COX7B2: variants seen among roughly 807,000 people sequenced by gnomAD.
COX7B2 encodes cytochrome c oxidase subunit 7B2, mitochondrial.
For missense variants in COX7B2, 109 were observed against 95.9 expected (o/e 1.14, Z -0.57); for synonymous variants, 37 against 32.1 (o/e 1.15, Z -0.51).
chr4:46,888,397 C>T (rs992898456), intron 1 of COX7B2, among the ~76,000 whole-genome samples: 8 of 151,568 alleles, frequency 5.3e-5, no homozygotes, highest in African/African-American at 1.9e-4. Context: ...GTAATACATA[C>T]AATTTAAGTA....
chr4:46,888,998 A>G (rs548859448), intron 1 of COX7B2, among the ~76,000 whole-genome samples: 143 of 152,216 alleles, frequency 9.4e-4, no homozygotes, highest in Non-Finnish European at 1.6e-3. Context: ...TTTGTAACAC[A>G]AAAGTTAAAT....
chr4:46,754,400 C>T (rs1715615726), intron 2 of COX7B2, among the ~76,000 whole-genome samples: 1 of 151,196 alleles, frequency 6.6e-6, no homozygotes, highest in Non-Finnish European at 1.5e-5. Flanking sequence ...ATGATGAGTT[C>T]ATGTCCTTTG....
At chr4:46,798,112 A>T (rs1209820849) in intron 2 of COX7B2, among the ~76,000 whole-genome samples, 1 of 152,206 alleles carries the variant, frequency 6.6e-6, no homozygotes, top group African/African-American at 2.4e-5. Context: ...TATCATTAGT[A>T]AAAGATTTAC....
At chr4:46,777,100 C>G (rs1717193501) in intron 2 of COX7B2, among the ~76,000 whole-genome samples, 1 of 152,088 alleles carries the variant, frequency 6.6e-6, no homozygotes, top group African/African-American at 2.4e-5. Context: ...TGTTAGTAAG[C>G]TCATGCCATG....
chr4:46,894,433 C>T (rs541384683), intron 1 of COX7B2, among the ~76,000 whole-genome samples: 2 of 152,138 alleles, frequency 1.3e-5, no homozygotes, highest in South Asian at 4.2e-4. Flanking sequence ...AACAGGTTAC[C>T]TATATGCAGA....
intron 2 of COX7B2, among the ~76,000 whole-genome samples, chr4:46,784,179 G>A (rs1717627678): frequency 1.3e-5 from 2 of 152,238 alleles, no homozygotes; most frequent in Non-Finnish European, 2.9e-5. Context: ...AAATTAAAAA[G>A]GAGAGGGTAT....
intron 2 of COX7B2, among the ~76,000 whole-genome samples, chr4:46,833,436 C>T (rs528403447): frequency 2.6e-5 from 4 of 152,184 alleles, no homozygotes; most frequent in South Asian, 4.1e-4. Flanking sequence ...AATTCCTATG[C>T]AGAACTCATA....
chr4:46,847,277 G>A (rs1457447323), intron 1 of COX7B2, among the ~76,000 whole-genome samples: 2 of 151,938 alleles, frequency 1.3e-5, no homozygotes, highest in East Asian at 3.9e-4. Context: ...TGTGAAGCAA[G>A]CATCATGTGG....
chr4:46,760,164 C>T (rs899879298), intron 2 of COX7B2, among the ~76,000 whole-genome samples: 1 of 152,062 alleles, frequency 6.6e-6, no homozygotes, highest in Admixed American at 6.6e-5. Flanking sequence ...CCTCAAGGAA[C>T]TAGAACTAGA....
In COX7B2 at chr4:46,879,156, C is replaced by T. The variant is rs978703018; in HGVS notation, c.-105+30004G>A. Among the ~76,000 whole-genome samples the T allele has an allele frequency of 2.6e-5, 4 of 151,958 alleles. No homozygotes were observed. In the South Asian group the frequency reaches 6.2e-4, roughly 24 times the overall value. ...TTTGTTTTTTTGAGACAGGATCTTA[C>T]TCTTTTGCCCAGACGAAGTACAATG... On this transcript the variant is annotated intron_variant, in intron 1 of 2. Coordinates refer to ENST00000355591, the MANE Select transcript of COX7B2 (RefSeq NM_130902.3).
At chr4:46,880,031 C>T (rs560870202) in intron 1 of COX7B2, among the ~76,000 whole-genome samples, 1 of 152,188 alleles carries the variant, frequency 6.6e-6, no homozygotes, top group South Asian at 2.1e-4. Flanking sequence ...TTGCCTCGTG[C>T]CGGTTTTCAT....
Position 46,755,089 on chromosome 4 carries a change from A to G in COX7B2, c.-49-19848T>C, listed in dbSNP as rs182841220. 2.1e-3 allele frequency among the ~76,000 whole-genome samples: 320 copies of G among 152,006 alleles called. 1 individual carries two copies. Among genetic ancestry groups the G allele is most frequent in the Non-Finnish European group, 3.7e-3 (251 of 67,948 alleles). On this transcript the variant is annotated intron_variant, in intron 2 of 2. Coordinates refer to ENST00000355591, the MANE Select transcript of COX7B2 (RefSeq NM_130902.3). The stretch of plus-strand genomic sequence containing the variant: ...ACAGCACATCAAAAAATGATACACA[A>G]TATTAAGGTGAGCTTTACCCCAGGG...
intron 1 of COX7B2, among the ~76,000 whole-genome samples, chr4:46,851,560 T>A (rs1156998760): frequency 6.6e-6 from 1 of 152,068 alleles, no homozygotes; most frequent in Non-Finnish European, 1.5e-5. Flanking sequence ...AACTCTAGAC[T>A]TTACTTGATA....
chr4:46,848,777 G>A (rs1422173797), intron 1 of COX7B2, among the ~76,000 whole-genome samples: 1 of 151,928 alleles, frequency 6.6e-6, no homozygotes, highest in Non-Finnish European at 1.5e-5. Context: ...GTGTTTGTGT[G>A]TTTATGTGTA....
chr4:46,903,890 T>C (rs1410377695), intron 1 of COX7B2: 1 of 152,222 alleles, frequency 6.6e-6, no homozygotes, highest in African/African-American at 2.4e-5. Context: ...TGATGCATTT[T>C]TCAGAACATA....
At chr4:46,870,320 T>TG (rs1428249219) in intron 1 of COX7B2, among the ~76,000 whole-genome samples, 1 of 122,314 alleles carries the variant, frequency 8.2e-6, no homozygotes, top group Admixed American at 8.7e-5. Flanking sequence ...AACTAGATAT[T>TG]GAAAAAAAAA....
chr4:46,792,669 T>C (rs1718114961), intron 2 of COX7B2, among the ~76,000 whole-genome samples: 1 of 152,152 alleles, frequency 6.6e-6, no homozygotes, highest in African/African-American at 2.4e-5. Flanking sequence ...CTGTGGGACT[T>C]CTCAGCCTCC....
At chr4:46,810,409 G>T (rs1428782580) in intron 2 of COX7B2, among the ~76,000 whole-genome samples, 2 of 151,706 alleles carry the variant, frequency 1.3e-5, no homozygotes, top group Non-Finnish European at 2.9e-5. Context: ...GCTAACTTTT[G>T]TTTCTTTTAT....
chr4:46,757,321 G>T (rs1451937412), intron 2 of COX7B2, among the ~76,000 whole-genome samples: 1 of 151,528 alleles, frequency 6.6e-6, no homozygotes, highest in Admixed American at 6.6e-5. Flanking sequence ...GTGGGAGGGT[G>T]GGAGGGGGGT....
Sources: allele counts gnomAD v4.1 joint callset (sites outside exome capture counted in the v4.1 genomes callset), GRCh38; gene constraint gnomAD v4.1.1; transcripts MANE v1.5; gene names NCBI Gene and HGNC (gene_info 2026-07-23, HGNC 2026-07-21).